BOLL: variants seen among roughly 807,000 people sequenced by gnomAD.
BOLL encodes the protein boule RNA binding protein.
Under a neutral mutation model 44.4 loss-of-function variants are expected in BOLL, and 23 were observed. The ratio of observed to expected loss-of-function variants is 0.52; its 90% CI spans 0.37 to 0.73. The LOEUF (loss-of-function observed/expected upper bound fraction) is 0.73, where lower values mean the gene tolerates loss of function less well. Among genes scored for constraint, BOLL ranks in the 30% least tolerant of loss-of-function variants. The probability of loss-of-function intolerance (pLI) is 0.00; values close to 1 mark genes in which losing one functional copy is unlikely to be tolerated. For synonymous variants in BOLL, 97 were observed against 110.8 expected (o/e 0.88, Z 0.78); for missense variants, 287 against 338.3 (o/e 0.85, Z 1.19).
chr2:197,781,578 G>A, intron 2 of BOLL, 144 bp downstream of exon 2: 1 of 863,864 alleles, frequency 1.2e-6, no homozygotes, highest in Non-Finnish European at 1.6e-6. Flanking sequence ...CATGCTGGTT[G>A]AAAAGATTCT....
Position 197,764,961 on chromosome 2 carries a change from C to T in BOLL, c.552+1571G>A, listed in dbSNP as rs1437488134. Among the ~76,000 whole-genome samples, 2 of 134,298 alleles carry T rather than the reference C, an allele frequency of 1.5e-5. 1 individual carries two copies. The highest frequency in any genetic ancestry group is 4.7e-4 in the South Asian group (2 of 4,230). The allele number at this position is 134,298 out of a possible 152,430, so 88.1% of individuals were successfully genotyped here. ...TCACAATAAAGAGTACCATGTGTTA[C>T]AAAAAAAAAAAGTTGATCTCATAGA... On this transcript the variant is annotated intron_variant, in intron 7 of 10. Coordinates refer to ENST00000392296, the MANE Select transcript of BOLL (RefSeq NM_033030.6).
chr2:197,784,720 G>A (rs1324422017), intron 1 of BOLL: 9 of 986,980 alleles, frequency 9.1e-6, no homozygotes, highest in African/African-American at 5.2e-5. Flanking sequence ...GAGCCATCGC[G>A]CCAGGCCTAC....
chr2:197,764,748 C>G (rs1688911456), intron 7 of BOLL, among the ~76,000 whole-genome samples: 1 of 152,110 alleles, frequency 6.6e-6, no homozygotes, highest in Non-Finnish European at 1.5e-5. Context: ...GAAACAAACT[C>G]TCAAATCATG....
intron 10 of BOLL, among the ~76,000 whole-genome samples, chr2:197,733,518 A>G (rs1192962989): frequency 7.9e-5 from 12 of 151,832 alleles, no homozygotes; most frequent in Non-Finnish European, 1.6e-4. Context: ...ATCCTAAGCC[A>G]AAAGAACAAA....
At chr2:197,767,762 A>G (rs1247450191) in intron 6 of BOLL, among the ~76,000 whole-genome samples, 1 of 152,000 alleles carries the variant, frequency 6.6e-6, no homozygotes, top group Admixed American at 6.6e-5. Context: ...CAAAATGTCA[A>G]CAGTGCTAAG....
chr2:197,743,199 TATTA>T, intron 9 of BOLL, 40 bp from the exon 10 acceptor site: 1 of 1,419,152 alleles, frequency 7.0e-7, no homozygotes, highest in Non-Finnish European at 9.7e-7. Context: ...ACCTTTCATC[TATTA>T]ATTCTAAATA....
intron 10 of BOLL, among the ~76,000 whole-genome samples, chr2:197,729,330 G>A (rs978269696): frequency 1.1e-4 from 17 of 152,152 alleles, no homozygotes; most frequent in South Asian, 4.2e-4. Flanking sequence ...ACGGAGTCTC[G>A]CTGATTGCTA....
At chr2:197,742,066 C>CT (rs1279907332) in intron 10 of BOLL, among the ~76,000 whole-genome samples, 31 of 152,204 alleles carry the variant, frequency 2.0e-4, no homozygotes, top group Non-Finnish European at 4.0e-4. Context: ...TGAAAAAATG[C>CT]TCATCATCAC....
intron 8 of BOLL, 102 bp from the exon 9 acceptor site, chr2:197,756,658 A>C (rs1688528630): frequency 2.5e-6 from 3 of 1,222,596 alleles, no homozygotes; most frequent in African/African-American, 1.6e-5. Flanking sequence ...TTTTTATTTT[A>C]CTAAATTTTT....
Position 197,775,752 on chromosome 2 carries a change from A to C in BOLL, c.277-12T>G. 1 of 1,417,684 alleles carries C rather than the reference A, an allele frequency of 7.1e-7. No individual in the cohort carries two copies. The allele number at this position is 1,417,684 out of a possible 1,614,324, so 87.8% of individuals were successfully genotyped here. On this transcript the variant is annotated splice_polypyrimidine_tract_variant and intron_variant, in intron 4 of 10. Transcript: ENST00000392296. ...TTAAGTTTTTCAGCCTAAAATAAAG[A>C]AAAAAGAAATTATTTTATTATTTTA...
chr2:197,730,726 G>C lies in BOLL; in HGVS notation c.829-2148C>G, dbSNP rs1281988651. On this transcript the variant is annotated intron_variant, in intron 10 of 10. Coordinates refer to ENST00000392296, the MANE Select transcript of BOLL (RefSeq NM_033030.6). ...TCCAGCCAAACTAAGCTTCATAAGTGAAGGAGAAATAAAATCTTTTACAGA... is the reference window on the plus strand; with the variant it reads ...TCCAGCCAAACTAAGCTTCATAAGTCAAGGAGAAATAAAATCTTTTACAGA... Among the ~76,000 whole-genome samples, 758 of 151,806 alleles carry C rather than the reference G, an allele frequency of 5.0e-3. 2 individuals are homozygous for C. The highest frequency in any genetic ancestry group is 0.017 in the African/African-American group (719 of 41,360).
chr2:197,769,791 A>G (rs1334496516), intron 6 of BOLL, among the ~76,000 whole-genome samples: 2 of 152,146 alleles, frequency 1.3e-5, no homozygotes, highest in Admixed American at 1.3e-4. Context: ...TCCAACTTAC[A>G]AGGGATGTGA....
intron 10 of BOLL, among the ~76,000 whole-genome samples, chr2:197,741,840 C>A (rs1040065433): frequency 7.9e-5 from 12 of 152,110 alleles, no homozygotes; most frequent in African/African-American, 2.7e-4. Flanking sequence ...AGAGCTTCTG[C>A]ACAGCAAAAG....
intron 7 of BOLL, among the ~76,000 whole-genome samples, chr2:197,757,978 G>C (rs1688592095): frequency 6.6e-6 from 1 of 152,110 alleles, no homozygotes; most frequent in African/African-American, 2.4e-5. Context: ...ATACCTACTA[G>C]GATGGCTTTA....
At position 197,778,961 on chromosome 2, in the gene BOLL, AT is replaced by A; in HGVS notation, c.221+13del. On this transcript the variant is annotated intron_variant, in intron 3 of 10. Transcript: ENST00000392296. ...GAGTTGCTAATTCCATAGACAATCT[AT>A]AGTGATACTAACCCTTTGGATACTC... 1 of 1,595,356 alleles carries A rather than the reference AT, an allele frequency of 6.3e-7. No individual in the cohort carries two copies. Among genetic ancestry groups the A allele is most frequent in the Non-Finnish European group, 8.6e-7 (1 of 1,165,898 alleles).
At chr2:197,763,579 A>G (rs1688861815) in intron 7 of BOLL, among the ~76,000 whole-genome samples, 1 of 152,138 alleles carries the variant, frequency 6.6e-6, no homozygotes, top group Admixed American at 6.6e-5. Context: ...AAAGTCCAGA[A>G]CTACATGGCT....
At chr2:197,729,402 T>C (rs1453431531) in intron 10 of BOLL, among the ~76,000 whole-genome samples, 1 of 152,154 alleles carries the variant, frequency 6.6e-6, no homozygotes, top group Non-Finnish European at 1.5e-5. Flanking sequence ...GCGCCCGCCA[T>C]TGCCCAGGCT....
intron 10 of BOLL, among the ~76,000 whole-genome samples, chr2:197,733,933 C>A (rs1344353199): frequency 5.3e-5 from 8 of 152,158 alleles, no homozygotes; most frequent in Non-Finnish European, 7.4e-5. Context: ...CACCAAAAGC[C>A]ATGGCAACAA....
At chr2:197,757,492 C>A in intron 7 of BOLL, 92 bp from the exon 8 acceptor site, 1 of 1,071,980 alleles carries the variant, frequency 9.3e-7, no homozygotes, top group East Asian at 2.5e-5. Context: ...AAGTTGGACC[C>A]TCACACCATA....
Sources: gnomAD v4.1 joint callset for allele counts (sites outside exome capture counted in the v4.1 genomes callset) on GRCh38, gnomAD v4.1.1 for gene constraint, MANE v1.5 for transcripts, NCBI Gene and HGNC (gene_info 2026-07-23, HGNC 2026-07-21) for gene names.